Variants in CNR2 observed in about 807,000 individuals in gnomAD.
CNR2 encodes the protein cannabinoid receptor 2.
For synonymous variants in CNR2, 172 were observed against 182.2 expected, an observed-to-expected ratio of 0.94 and a Z score of 0.45; for missense variants, 379 against 439.9, an observed-to-expected ratio of 0.86 and a Z score of 1.24.
Position 23,873,668 on chromosome 1 carries a change from T to C in CNR2, c.*867A>G, listed in dbSNP as rs6665733. ...CTCTGCTTATTATATGTAATAGGGG[T>C]GTGGAGGAGGCAAGGGAGCTGAATT... On this transcript the variant is annotated 3_prime_UTR_variant, in exon 2 of 2. Coordinates refer to ENST00000374472, the MANE Select transcript of CNR2 (RefSeq NM_001841.3). The C allele has an allele frequency of 0.63, 96,415 of 152,042 alleles. 30,981 individuals carry two copies. The highest frequency in any genetic ancestry group is 0.76 in the African/African-American group (31,366 of 41,506). The allele number at this position is 152,042 out of a possible 1,614,324, so 9.4% of individuals were successfully genotyped here. A position where few individuals can be genotyped will look rare whatever the true frequency, so the allele number is the denominator to read the frequency against.
rs1639776665 is a variant in CNR2, at chr1:23,872,244, T to C, written c.*2291A>G. ...CCACAAGCCAAGGAATGACAGGGAC[T>C]GCCAGAAGTTGAAAGAGTCAAGGAA... On this transcript the variant is annotated 3_prime_UTR_variant, in exon 2 of 2. Transcript: ENST00000374472. 1 of 150,496 alleles carries C rather than the reference T, an allele frequency of 6.6e-6. No homozygotes were observed. The highest frequency in any genetic ancestry group is 2.1e-4 in the South Asian group (1 of 4,752). 9.3% of individuals were successfully genotyped at this position (150,496 alleles called of 1,614,324 possible).
chr1:23,886,014 A>C (rs4649128), intron 1 of CNR2, among the ~76,000 whole-genome samples: 130,489 of 150,052 alleles, frequency 0.87, 57,070 homozygotes, highest in Middle Eastern at 0.92. Flanking sequence ...ATGGTGAAAC[A>C]CCGTCTCTAC....
chr1:23,881,892 T>TA (rs79165853), intron 1 of CNR2, among the ~76,000 whole-genome samples: 22 of 147,036 alleles, frequency 1.5e-4, no homozygotes, highest in East Asian at 4.0e-4. Context: ...ACTTTGTCTT[T>TA]AAAAAAAAAA....
At chr1:23,902,645 C>G in intron 1 of CNR2, 1 of 1,597,296 alleles carries the variant, frequency 6.3e-7, no homozygotes, top group Non-Finnish European at 8.5e-7. Flanking sequence ...GGGCGGGCAC[C>G]GTCCTGGTCG....
Position 23,874,530 on chromosome 1 carries a change from C to A in CNR2, c.*5G>T, listed in dbSNP as rs1477876225. 6.2e-7 allele frequency: 1 copy of A among 1,608,128 alleles called. No individual in the cohort carries two copies. The highest frequency in any genetic ancestry group is 1.3e-5 in the African/African-American group (1 of 74,590). On this transcript the variant is annotated 3_prime_UTR_variant, in exon 2 of 2. Coordinates refer to ENST00000374472, the MANE Select transcript of CNR2 (RefSeq NM_001841.3). The stretch of plus-strand genomic sequence containing the variant: ...TTGAGTTGTTTAAATTGGGAAGAGG[C>A]CTCATCAGCAATCAGAGAGGTCTAG...
intron 1 of CNR2, among the ~76,000 whole-genome samples, chr1:23,901,139 G>A (rs1294435190): frequency 6.6e-6 from 1 of 151,986 alleles, no homozygotes; most frequent in Admixed American, 6.6e-5. Context: ...GTTAAGCTTG[G>A]AACCACTTAG....
At chr1:23,896,340 T>G (rs1366201729) in intron 1 of CNR2, among the ~76,000 whole-genome samples, 1 of 152,234 alleles carries the variant, frequency 6.6e-6, no homozygotes, top group Non-Finnish European at 1.5e-5. Context: ...ACTCACTTCA[T>G]TCATCTCTTT....
intron 1 of CNR2, among the ~76,000 whole-genome samples, chr1:23,891,488 G>A (rs1371862086): frequency 6.6e-6 from 1 of 151,726 alleles, no homozygotes; most frequent in African/African-American, 2.4e-5. Context: ...GTGTGGTGGT[G>A]GGTGCCTGTA....
At chr1:23,903,977 C>T (rs1009487962) in intron 1 of CNR2, among the ~76,000 whole-genome samples, 2 of 152,178 alleles carry the variant, frequency 1.3e-5, no homozygotes, top group African/African-American at 4.8e-5. Context: ...CTGCGGCTTT[C>T]TCCCGGGGAC....
At position 23,870,925 on chromosome 1, in the gene CNR2, G is replaced by C. The variant is rs1375637256; in HGVS notation, c.*3610C>G. 6.6e-6 allele frequency: 1 copy of C among 152,106 alleles called. No individual in the cohort carries two copies. The highest frequency in any genetic ancestry group is 2.4e-5 in the African/African-American group (1 of 41,386). The allele number at this position is 152,106 out of a possible 1,614,324, so 9.4% of individuals were successfully genotyped here. ...CCTAGCACTTTGGGAGGCTAAGGTG[G>C]GTGGATCACTTGAAGTCAGGAGTTC... On this transcript the variant is annotated 3_prime_UTR_variant, in exon 2 of 2. Transcript: ENST00000374472.
intron 1 of CNR2, among the ~76,000 whole-genome samples, chr1:23,885,648 A>C (rs71514243): frequency 1.3e-5 from 2 of 150,430 alleles, no homozygotes; most frequent in African/African-American, 4.9e-5. Context: ...GGGAGGCTGA[A>C]GCAGGTGGAT....
intron 1 of CNR2, among the ~76,000 whole-genome samples, chr1:23,900,776 G>A (rs1407659587): frequency 6.6e-6 from 1 of 152,122 alleles, no homozygotes; most frequent in East Asian, 1.9e-4. Context: ...AAAGTGCTGA[G>A]ATTACAGGCA....
chr1:23,909,299 G>A (rs887981990), intron 1 of CNR2, among the ~76,000 whole-genome samples: 6 of 152,132 alleles, frequency 3.9e-5, no homozygotes, highest in African/African-American at 1.4e-4. Context: ...CCCAGGAGAT[G>A]GAGGGAAAAG....
chr1:23,881,817 G>A (rs1204977394), intron 1 of CNR2, among the ~76,000 whole-genome samples: 1 of 150,234 alleles, frequency 6.7e-6, no homozygotes, highest in Admixed American at 6.6e-5. Context: ...TTGAACTTGG[G>A]AAGGCGGAGG....
chr1:23,906,406 C>G (rs1276783327), intron 1 of CNR2, among the ~76,000 whole-genome samples: 1 of 151,946 alleles, frequency 6.6e-6, no homozygotes, highest in Non-Finnish European at 1.5e-5. Context: ...GTGGAAACTA[C>G]TCGAGCCATT....
chr1:23,884,188 T>C (rs1162467236), intron 1 of CNR2, among the ~76,000 whole-genome samples: 2 of 151,280 alleles, frequency 1.3e-5, no homozygotes, highest in Admixed American at 1.3e-4. Context: ...AAAGCGATTC[T>C]TGTGCCTCAG....
intron 1 of CNR2, among the ~76,000 whole-genome samples, chr1:23,890,989 G>A (rs2148464767): frequency 6.7e-6 from 1 of 150,066 alleles, no homozygotes; most frequent in Admixed American, 6.7e-5. Context: ...AGCAATTCTT[G>A]TGCCTCAGCC....
At chr1:23,897,247 G>C (rs1298955280) in intron 1 of CNR2, among the ~76,000 whole-genome samples, 3 of 152,246 alleles carry the variant, frequency 2.0e-5, no homozygotes, top group South Asian at 4.1e-4. Flanking sequence ...ACATGGGGCA[G>C]AAAACAGGGG....
intron 1 of CNR2, among the ~76,000 whole-genome samples, chr1:23,912,477 T>TG (rs1224758305): frequency 6.6e-6 from 1 of 152,096 alleles, no homozygotes; most frequent in Non-Finnish European, 1.5e-5. Context: ...GGCTGAAGGG[T>TG]GGGCCGCGAA....
Sources: allele counts gnomAD v4.1 joint callset (sites outside exome capture counted in the v4.1 genomes callset), GRCh38; gene constraint gnomAD v4.1.1; transcripts MANE v1.5; gene names NCBI Gene and HGNC (gene_info 2026-07-23, HGNC 2026-07-21).